ROS1: variants seen among roughly 807,000 people sequenced by gnomAD.
ROS1 encodes ROS proto-oncogene 1, receptor tyrosine kinase.
Under a neutral mutation model 273.5 loss-of-function variants are expected in ROS1, and 263 were observed. That is an observed-to-expected ratio of 0.96 (90% CI 0.87 to 1.06). ROS1 has a LOEUF of 1.06. Among genes scored for constraint, ROS1 ranks in the 50% least tolerant of loss-of-function variants. ROS1 has a pLI of 0.00. For missense variants in ROS1, 2,833 were observed against 2,751.1 expected, an observed-to-expected ratio of 1.03 and a Z score of -0.67; for synonymous variants, 1,008 against 954.1, an observed-to-expected ratio of 1.06 and a Z score of -1.04.
chr6:117,336,824 T>C (rs923980943), intron 32 of ROS1, among the ~76,000 whole-genome samples: 6 of 152,168 alleles, frequency 3.9e-5, no homozygotes, highest in Non-Finnish European at 8.8e-5. Flanking sequence ...CTTATATTTT[T>C]CATCCTAGTA....
intron 42 of ROS1, among the ~76,000 whole-genome samples, chr6:117,305,454 G>GAAAT (rs1214218426): frequency 2.6e-5 from 4 of 152,224 alleles, no homozygotes; most frequent in Admixed American, 6.5e-5. Flanking sequence ...GCAGAAATTA[G>GAAAT]AAATTCCTAT....
intron 43 of ROS1, among the ~76,000 whole-genome samples, chr6:117,300,072 G>A (rs1452466083): frequency 4.3e-5 from 5 of 117,342 alleles, no homozygotes; most frequent in South Asian, 3.1e-4. Context: ...ACAGGCGCCC[G>A]CCACCAGGAC....
chr6:117,417,980 C>T (rs1775459435), intron 2 of ROS1, among the ~76,000 whole-genome samples: 1 of 152,144 alleles, frequency 6.6e-6, no homozygotes, highest in East Asian at 1.9e-4. Flanking sequence ...AAGTATGCAT[C>T]TCAAAAAGGT....
chr6:117,343,634 G>A (rs985044951), intron 28 of ROS1, among the ~76,000 whole-genome samples: 2 of 152,124 alleles, frequency 1.3e-5, no homozygotes, highest in East Asian at 1.9e-4. Flanking sequence ...AAAATATAAT[G>A]TACAATTTTT....
chr6:117,408,981 G>A (rs1414062275), intron 5 of ROS1, among the ~76,000 whole-genome samples: 2 of 147,802 alleles, frequency 1.4e-5, no homozygotes, highest in African/African-American at 5.0e-5. Context: ...ACCAAACACT[G>A]CATGTTCTCA....
At chr6:117,372,944 T>A (rs1007118370) in intron 18 of ROS1, among the ~76,000 whole-genome samples, 3 of 152,180 alleles carry the variant, frequency 2.0e-5, no homozygotes, top group African/African-American at 7.2e-5. Context: ...AGCTGATTGG[T>A]CCATTTTACA....
In ROS1 at chr6:117,337,797, G is replaced by T. The variant is rs549299398; in HGVS notation, c.5062-457C>A. Among the ~76,000 whole-genome samples, 10 of 152,152 alleles carry T rather than the reference G, an allele frequency of 6.6e-5. No individual in the cohort carries two copies. In the East Asian group the frequency reaches 1.9e-3, roughly 29 times the overall value. ...TTTGATTACATATTTTGATAAAGAA[G>T]TCCACAGTGACTTACAAACTAAGAC... is the stretch of plus-strand genomic sequence containing the variant. On this transcript the variant is annotated intron_variant, in intron 31 of 43. Transcript: ENST00000368507.
intron 39 of ROS1, among the ~76,000 whole-genome samples, chr6:117,316,351 A>G (rs555658381): frequency 6.6e-6 from 1 of 152,178 alleles, no homozygotes; most frequent in East Asian, 1.9e-4. Flanking sequence ...GTTTTTCACT[A>G]TATGCTTTGT....
At chr6:117,362,959 A>G in intron 21 of ROS1, 94 bp from the exon 22 acceptor site, 1 of 1,097,048 alleles carries the variant, frequency 9.1e-7, no homozygotes, top group Non-Finnish European at 1.3e-6. Flanking sequence ...TAAACAACTT[A>G]ACAATATTTC....
chr6:117,346,422 A>G (rs370637735), intron 27 of ROS1, among the ~76,000 whole-genome samples: 2 of 152,190 alleles, frequency 1.3e-5, no homozygotes, highest in East Asian at 1.9e-4. Context: ...TAAAGAAAAT[A>G]ATGAGTATTA....
intron 43 of ROS1, among the ~76,000 whole-genome samples, chr6:117,295,195 T>A (rs1774131560): frequency 6.6e-6 from 1 of 152,082 alleles, no homozygotes; most frequent in Non-Finnish European, 1.5e-5. Context: ...ACACCTACAG[T>A]GAATTCATGT....
chr6:117,349,963 C>T (rs1436882806), intron 27 of ROS1, among the ~76,000 whole-genome samples: 2 of 151,924 alleles, frequency 1.3e-5, no homozygotes, highest in African/African-American at 4.8e-5. Context: ...CACATACATA[C>T]ATAAGTGGAT....
At chr6:117,315,348 A>C (rs1352994354) in intron 39 of ROS1, among the ~76,000 whole-genome samples, 2 of 152,092 alleles carry the variant, frequency 1.3e-5, no homozygotes, top group African/African-American at 4.8e-5. Context: ...TCATTATCAA[A>C]GAGACAATGA....
intron 4 of ROS1, among the ~76,000 whole-genome samples, chr6:117,412,809 A>G (rs1193031129): frequency 6.6e-6 from 1 of 152,238 alleles, no homozygotes; most frequent in Non-Finnish European, 1.5e-5. Context: ...ACAAAGAATT[A>G]GCACATTACA....
chr6:117,393,233 G>C lies in ROS1; in HGVS notation c.1280C>G (p.Ser427Ter), dbSNP rs2128710604. 6.3e-7 allele frequency: 1 copy of C among 1,587,500 alleles called. No homozygotes were observed. The highest frequency in any genetic ancestry group is 8.7e-7 in the Non-Finnish European group (1 of 1,156,056). Residue 427 changes from serine to a stop codon, truncating the protein, a stop_gained, in exon 12 of 44, where the codon TCA becomes TGA. Transcript: ENST00000368507. LOFTEE classifies it high-confidence loss of function. ...ISAPQKIVAD[S>*]YNGYVFYLLR... Reference sequence around the variant, plus strand: ...CAAGGCTAACACATACCCATTGTATGAATCAGCCACAATTTTTTGAGGTGC... The same window carrying C: ...CAAGGCTAACACATACCCATTGTATCAATCAGCCACAATTTTTTGAGGTGC...
chr6:117,402,617 G>A (rs921391361), intron 7 of ROS1, among the ~76,000 whole-genome samples: 1 of 152,326 alleles, frequency 6.6e-6, no homozygotes, highest in Admixed American at 6.5e-5. Flanking sequence ...GCTGGGCGAG[G>A]TGGCTCACGC....
chr6:117,320,329 G>GTTA (rs577275757), intron 36 of ROS1, among the ~76,000 whole-genome samples: 39 of 152,106 alleles, frequency 2.6e-4, no homozygotes, highest in Non-Finnish European at 4.6e-4. Flanking sequence ...TTGAGTCAAA[G>GTTA]TTAGTAGGTA....
intron 7 of ROS1, among the ~76,000 whole-genome samples, chr6:117,401,560 G>T (rs1285755685): frequency 6.6e-6 from 1 of 151,930 alleles, no homozygotes; most frequent in African/African-American, 2.4e-5. Context: ...AGACTAAGAA[G>T]AAGGATGCTA....
chr6:117,401,955 C>T (rs1191601339), intron 7 of ROS1, among the ~76,000 whole-genome samples: 2 of 152,068 alleles, frequency 1.3e-5, no homozygotes, highest in Non-Finnish European at 2.9e-5. Context: ...ACACCACTAC[C>T]ACCCCTGGGC....
Sources: gnomAD v4.1 joint callset for allele counts (sites outside exome capture counted in the v4.1 genomes callset) on GRCh38, gnomAD v4.1.1 for gene constraint, MANE v1.5 for transcripts, NCBI Gene and HGNC (gene_info 2026-07-23, HGNC 2026-07-21) for gene names.